MILR1: variants seen among roughly 807,000 people sequenced by gnomAD.
The protein encoded by MILR1 is allergin-1.
Under a neutral mutation model 18.5 loss-of-function variants are expected in MILR1, and 31 were observed. The ratio of observed to expected loss-of-function variants is 1.68; its 90% CI spans 1.26 to 2.26. The LOEUF (loss-of-function observed/expected upper bound fraction) is 2.26. Ranked by LOEUF, MILR1 falls within the 30% of genes most tolerant of loss-of-function variation. The pLI, the probability that MILR1 is intolerant of heterozygous loss-of-function variation, is 0.00. For missense variants in MILR1, 257 were observed against 157.4 expected (o/e 1.63, Z -3.38); for synonymous variants, 85 against 56.2 (o/e 1.51, Z -2.30).
At chr17:64,483,543 A>T in the MILR1 span, among the ~76,000 whole-genome samples, 8 of 149,032 alleles carry the variant, frequency 5.4e-5, no homozygotes, top group East Asian at 1.4e-3. Context: ...TTAACTTGAG[A>T]CCCTCCCATT....
At chr17:64,450,860 G>T (rs899884622) in intron 2 of MILR1, among the ~76,000 whole-genome samples, 5 of 152,206 alleles carry the variant, frequency 3.3e-5, no homozygotes, top group Admixed American at 2.6e-4. Context: ...TTATTGCCCT[G>T]CTTTTTGGGG....
the MILR1 span, chr17:64,492,682 G>A: frequency 1.9e-6 from 3 of 1,604,350 alleles, no homozygotes; most frequent in African/African-American, 1.3e-5. Flanking sequence ...TCCACCACTG[G>A]AGTCGATGAC....
intron 4 of MILR1, 62 bp downstream of exon 4, chr17:64,457,746 C>T (rs2037333320): frequency 4.3e-6 from 2 of 465,396 alleles, no homozygotes; most frequent in East Asian, 3.1e-5. Context: ...TGCAGCTGCT[C>T]CTCTGCCCAC....
chr17:64,453,836 C>A (rs1236143867), intron 3 of MILR1, among the ~76,000 whole-genome samples: 1 of 152,088 alleles, frequency 6.6e-6, no homozygotes, highest in African/African-American at 2.4e-5. Context: ...GCGTAGGGAC[C>A]CTGACTTCCT....
chr17:64,474,280 G>A, the MILR1 span, among the ~76,000 whole-genome samples: 1 of 152,156 alleles, frequency 6.6e-6, no homozygotes, highest in Non-Finnish European at 1.5e-5. Flanking sequence ...TCACCGTGTT[G>A]GCCAGGCTGA....
At chr17:64,483,173 C>A in the MILR1 span, among the ~76,000 whole-genome samples, 1 of 152,150 alleles carries the variant, frequency 6.6e-6, no homozygotes, top group Non-Finnish European at 1.5e-5. Flanking sequence ...CATGTAGTAA[C>A]ATATTCAGCT....
chr17:64,482,203 A>C, the MILR1 span, among the ~76,000 whole-genome samples: 1 of 148,392 alleles, frequency 6.7e-6, no homozygotes, highest in African/African-American at 2.5e-5. Context: ...TCCCAGGTTC[A>C]AGTGATTCTT....
At chr17:64,474,263 C>T in the MILR1 span, among the ~76,000 whole-genome samples, 1 of 152,064 alleles carries the variant, frequency 6.6e-6, no homozygotes, top group Non-Finnish European at 1.5e-5. Context: ...GTAGAAGAAA[C>T]GGGGTTTCAC....
At position 64,466,624 on chromosome 17, in the gene MILR1, C is replaced by T; in HGVS notation, c.941C>T (p.Ala314Val). Residue 314 changes from alanine to valine, a missense_variant, in exon 8 of 10, where the codon GCC (alanine) becomes GTC (valine). Transcript: ENST00000619286. ...AAACACTCCCAGGAGCTACAGTATG[C>T]CACCCCCGTGTTCCAGGAGGTGGCA... The part of the protein sequence containing the change: ...EAKHSQELQY[A>V]TPVFQEVAPR... The T allele has an allele frequency of 1.2e-6, 2 of 1,610,336 alleles. No individual in the cohort carries two copies. The highest frequency in any genetic ancestry group is 1.3e-5 in the African/African-American group (1 of 74,990).
At chr17:64,466,385 G>C (rs375395957) in intron 6 of MILR1, 57 bp from the exon 7 acceptor site, 6 of 1,488,358 alleles carry the variant, frequency 4.0e-6, no homozygotes, top group African/African-American at 1.4e-5. Context: ...GCAATTTACC[G>C]ACCTTTTCTA....
At chr17:64,491,060 T>C in the MILR1 span, 3 of 1,018,010 alleles carry the variant, frequency 2.9e-6, no homozygotes, top group Non-Finnish European at 3.1e-6. Context: ...AATTGTCCGA[T>C]ACTTTTTATT....
chr17:64,493,081 T>C, the MILR1 span: 1 of 1,551,510 alleles, frequency 6.4e-7, no homozygotes. Context: ...ATCATTTTTG[T>C]CAATAGACAC....
intron 3 of MILR1, among the ~76,000 whole-genome samples, chr17:64,454,982 CAG>C (rs1160208326): frequency 2.6e-5 from 4 of 151,888 alleles, no homozygotes; most frequent in African/African-American, 9.7e-5. Context: ...GCCTGGGTGA[CAG>C]AGAGAGACCC....
chr17:64,466,774 G>A, intron 8 of MILR1, 112 bp downstream of exon 8: 1 of 863,634 alleles, frequency 1.2e-6, no homozygotes, highest in South Asian at 1.6e-5. Context: ...TGGGAGCAAT[G>A]CAGGCACACT....
the MILR1 span, among the ~76,000 whole-genome samples, chr17:64,482,265 G>A: frequency 1.3e-5 from 2 of 150,518 alleles, no homozygotes; most frequent in East Asian, 2.0e-4. Context: ...CATTATGCTC[G>A]GCTAATTTTT....
the MILR1 span, among the ~76,000 whole-genome samples, chr17:64,475,976 G>A: frequency 6.6e-6 from 1 of 151,700 alleles, no homozygotes; most frequent in South Asian, 2.1e-4. Context: ...ACCACGCCCA[G>A]CTAATTTTTT....
chr17:64,477,337 G>T, the MILR1 span, among the ~76,000 whole-genome samples: 1 of 152,172 alleles, frequency 6.6e-6, no homozygotes, highest in Non-Finnish European at 1.5e-5. Context: ...GACATCTCCC[G>T]ACTGGGATGT....
chr17:64,465,526 C>A lies in MILR1; in HGVS notation c.838C>A (p.Leu280Ile). Residue 280 changes from leucine (L) to isoleucine (I), a missense_variant, in exon 6 of 10, where the codon CTT becomes ATT. Leu to Ile is a conservative substitution (Grantham distance 5, BLOSUM62 2). Transcript: ENST00000619286. Reference sequence around the variant, plus strand: ...GGAAGTTGGAATCTATGCAAATATCCTTGAAAAACAAGCAAGTAAGAGAAC... The same window carrying A: ...GGAAGTTGGAATCTATGCAAATATCATTGAAAAACAAGCAAGTAAGAGAAC... ...AMEVGIYANI[L>I]EKQAKEESVP... 1 of 1,608,194 alleles carries A rather than the reference C, an allele frequency of 6.2e-7. No individual in the cohort carries two copies. The highest frequency in any genetic ancestry group is 1.1e-5 in the South Asian group (1 of 89,536).
chr17:64,466,372 T>G, intron 6 of MILR1, 70 bp from the exon 7 acceptor site: 2 of 1,347,682 alleles, frequency 1.5e-6, no homozygotes, highest in Non-Finnish European at 2.1e-6. Context: ...GACGCATTGC[T>G]GAGCAATTTA....
Sources: gnomAD v4.1 joint callset for allele counts (sites outside exome capture counted in the v4.1 genomes callset) on GRCh38, gnomAD v4.1.1 for gene constraint, MANE v1.5 for transcripts, NCBI Gene and HGNC (gene_info 2026-07-23, HGNC 2026-07-21) for gene names.